TTC23: variants seen among roughly 807,000 people sequenced by gnomAD.
The protein encoded by TTC23 is tetratricopeptide repeat protein 23.
A neutral mutation model predicts 55.1 loss-of-function variants in TTC23; 58 were observed. That is an observed-to-expected ratio of 1.05 (90% CI 0.85 to 1.31). TTC23 has a LOEUF of 1.31. TTC23 is among the 50% of genes most tolerant of loss of function. The pLI is 0.00. For missense variants in TTC23, 516 were observed against 534.4 expected (o/e 0.97, Z 0.34); for synonymous variants, 203 against 199.9 (o/e 1.02, Z -0.13).
At chr15:99,161,631 C>T (rs976944897) in intron 11 of TTC23, 109 bp downstream of exon 11, 44 of 1,293,920 alleles carry the variant, frequency 3.4e-5, no homozygotes, top group Non-Finnish European at 4.5e-5. Context: ...TAGAGACTGG[C>T]ACATGCTTTG....
chr15:99,162,094 C>G (rs2071455790), intron 10 of TTC23, among the ~76,000 whole-genome samples: 1 of 152,144 alleles, frequency 6.6e-6, no homozygotes, highest in African/African-American at 2.4e-5. Context: ...ATCTAGCTTT[C>G]CCGGTGATAC....
chr15:99,186,542 T>C (rs2074678954), intron 9 of TTC23, among the ~76,000 whole-genome samples: 1 of 152,080 alleles, frequency 6.6e-6, no homozygotes, highest in African/African-American at 2.4e-5. Context: ...ACAGCAAAGG[T>C]TGGAAATTTG....
chr15:99,160,715 T>G (rs1169958905), intron 11 of TTC23: 2 of 151,668 alleles, frequency 1.3e-5, no homozygotes, highest in African/African-American at 2.4e-5. Context: ...TAACCTCTGA[T>G]AAGAAAAGCT....
At chr15:99,194,552 CAAAAAAA>C (rs760038465) in intron 9 of TTC23, among the ~76,000 whole-genome samples, 3 of 40,474 alleles carry the variant, frequency 7.4e-5, no homozygotes, top group African/African-American at 1.8e-4. Context: ...ACATCACGTG[CAAAAAAA>C]AAAAAAAAAA....
chr15:99,158,946 G>A (rs755052052), intron 11 of TTC23: 2 of 152,392 alleles, frequency 1.3e-5, no homozygotes, highest in Non-Finnish European at 2.9e-5. Flanking sequence ...TGCCTGGCAG[G>A]AGCATGGGGA....
intron 6 of TTC23, among the ~76,000 whole-genome samples, chr15:99,220,552 G>C (rs2077838117): frequency 6.6e-6 from 1 of 152,048 alleles, no homozygotes; most frequent in African/African-American, 2.4e-5. Flanking sequence ...GGGGTGGGAG[G>C]GCAGAGTTTA....
At chr15:99,235,954 T>A (rs1230477951) in intron 3 of TTC23, among the ~76,000 whole-genome samples, 4 of 152,210 alleles carry the variant, frequency 2.6e-5, no homozygotes, top group African/African-American at 9.6e-5. Flanking sequence ...GCCTTCAAAG[T>A]TCATCCATAT....
chr15:99,160,902 T>C (rs1185977979), intron 11 of TTC23: 3 of 150,884 alleles, frequency 2.0e-5, no homozygotes, highest in African/African-American at 7.3e-5. Flanking sequence ...TAATCCCAGC[T>C]ACTCGGGGGG....
chr15:99,185,909 T>C (rs761809305), intron 9 of TTC23, among the ~76,000 whole-genome samples: 1 of 152,230 alleles, frequency 6.6e-6, no homozygotes, highest in Non-Finnish European at 1.5e-5. Context: ...TTGGAACTTT[T>C]CTGTATTTTA....
At chr15:99,181,176 A>T (rs1256193029) in intron 9 of TTC23, among the ~76,000 whole-genome samples, 1 of 152,228 alleles carries the variant, frequency 6.6e-6, no homozygotes. Flanking sequence ...TCCAAACTGC[A>T]TACTTTTCCA....
intron 8 of TTC23, among the ~76,000 whole-genome samples, chr15:99,206,040 G>A (rs1156994433): frequency 6.6e-6 from 1 of 152,174 alleles, no homozygotes; most frequent in East Asian, 1.9e-4. Flanking sequence ...ATGAAGGGAT[G>A]TTGAATTGTA....
At chr15:99,217,306 C>T (rs573864077) in intron 8 of TTC23, among the ~76,000 whole-genome samples, 4 of 151,876 alleles carry the variant, frequency 2.6e-5, no homozygotes, top group Non-Finnish European at 5.9e-5. Context: ...TATAGGCATG[C>T]GCCACCACGC....
At chr15:99,214,908 T>C (rs1421460080) in intron 8 of TTC23, among the ~76,000 whole-genome samples, 3 of 130,010 alleles carry the variant, frequency 2.3e-5, no homozygotes, top group Non-Finnish European at 3.1e-5. Context: ...CAGGCTGGAG[T>C]GCAATGGCGC....
At chr15:99,236,093 T>C (rs2079296682) in intron 3 of TTC23, among the ~76,000 whole-genome samples, 1 of 152,222 alleles carries the variant, frequency 6.6e-6, no homozygotes, top group Non-Finnish European at 1.5e-5. Context: ...ATACTGCTAT[T>C]GAACATTAAT....
rs376627734 is a variant in TTC23 at position 99,147,249 on chromosome 15, A to G, written c.1144-7850T>C. ...CCTTTTTTTTTTTTTTTTTTGAGAC[A>G]GAGTCTCGCTCTGTCACCCAGGCTG... On this transcript the variant is annotated intron_variant, in intron 12 of 13. Transcript: ENST00000394132. 7.4e-4 allele frequency among the ~76,000 whole-genome samples: 72 copies of G among 97,140 alleles called. 1 individual carries two copies. The highest frequency in any genetic ancestry group is 2.8e-3 in the South Asian group (9 of 3,184). The allele number at this position is 97,140 out of a possible 152,430, so 63.7% of individuals were successfully genotyped here.
intron 9 of TTC23, among the ~76,000 whole-genome samples, chr15:99,198,637 G>C (rs1395311201): frequency 6.6e-6 from 1 of 152,110 alleles, no homozygotes; most frequent in Non-Finnish European, 1.5e-5. Flanking sequence ...GTACTCCTGG[G>C]CATATCACTC....
chr15:99,241,807 C>T (rs1469347246), intron 2 of TTC23, among the ~76,000 whole-genome samples: 3 of 152,142 alleles, frequency 2.0e-5, no homozygotes, highest in African/African-American at 7.2e-5. Context: ...GAGGAAGGGG[C>T]AGGGGCCCTC....
At chr15:99,219,782 G>A (rs974667462) in intron 6 of TTC23, among the ~76,000 whole-genome samples, 2 of 151,978 alleles carry the variant, frequency 1.3e-5, no homozygotes, top group African/African-American at 2.4e-5. Context: ...CCCCTACACC[G>A]ACAACCACTT....
chr15:99,250,080 G>T (rs1597107537), upstream of TTC23, among the ~76,000 whole-genome samples: 5 of 152,004 alleles, frequency 3.3e-5, no homozygotes, highest in East Asian at 9.6e-4. Context: ...TTTTTGGGGG[G>T]TGTAACTCTT....
Sources: allele counts gnomAD v4.1 joint callset (sites outside exome capture counted in the v4.1 genomes callset), GRCh38; gene constraint gnomAD v4.1.1; transcripts MANE v1.5; gene names NCBI Gene and HGNC (gene_info 2026-07-23, HGNC 2026-07-21).